The following NEXN variants were observed in gnomAD, a reference collection of about 807,000 sequenced individuals.
The protein encoded by NEXN is nexilin F-actin binding protein, also known as nexilin.
In NEXN, 65 loss-of-function variants were observed where a neutral mutation model predicts 92.6. The observed-to-expected ratio is 0.70, with a 90% confidence interval of 0.57 to 0.86. The LOEUF (loss-of-function observed/expected upper bound fraction) is 0.86. Among genes scored for constraint, NEXN ranks in the 40% least tolerant of loss-of-function variants. NEXN has a pLI of 0.00. For missense variants in NEXN, 778 were observed against 771.1 expected (o/e 1.01, Z -0.11); for synonymous variants, 254 against 242.5 (o/e 1.05, Z -0.44).
intron 10 of NEXN, among the ~76,000 whole-genome samples, chr1:77,934,935 A>T (rs1479387004): frequency 1.3e-5 from 2 of 152,242 alleles, no homozygotes; most frequent in Non-Finnish European, 2.9e-5. Context: ...TAAAATCAAA[A>T]GTAGGAAAAA....
chr1:77,939,839 G>A (rs1356270608), intron 11 of NEXN, among the ~76,000 whole-genome samples: 1 of 152,136 alleles, frequency 6.6e-6, no homozygotes, highest in East Asian at 1.9e-4. Context: ...TTTGGGAGGC[G>A]GAGGCAGGCG....
chr1:77,911,654 C>T (rs991510579), intron 1 of NEXN, among the ~76,000 whole-genome samples: 4 of 151,938 alleles, frequency 2.6e-5, no homozygotes, highest in Non-Finnish European at 5.9e-5. Flanking sequence ...TATAAAACTA[C>T]CTTCAGGCTA....
At chr1:77,912,016 T>G (rs1331682857) in intron 1 of NEXN, among the ~76,000 whole-genome samples, 1 of 150,684 alleles carries the variant, frequency 6.6e-6, no homozygotes, top group Non-Finnish European at 1.5e-5. Flanking sequence ...GAGGCAGAGG[T>G]TGCAGTGAGC....
At chr1:77,897,364 T>C (rs1442924959) in intron 1 of NEXN, among the ~76,000 whole-genome samples, 2 of 152,178 alleles carry the variant, frequency 1.3e-5, no homozygotes, top group Admixed American at 1.3e-4. Flanking sequence ...TATACGCAAA[T>C]CAATAAATGT....
intron 1 of NEXN, among the ~76,000 whole-genome samples, chr1:77,895,169 C>A (rs1194857620): frequency 6.7e-6 from 1 of 150,144 alleles, no homozygotes; most frequent in Non-Finnish European, 1.5e-5. Context: ...CTCAGCCTCC[C>A]GAGTAGCTGG....
chr1:77,931,537 C>T (rs1048246968), intron 9 of NEXN: 2 of 151,394 alleles, frequency 1.3e-5, no homozygotes, highest in Admixed American at 6.6e-5. Context: ...GATTCACTAG[C>T]GGAAAAAATG....
chr1:77,902,734 A>G (rs376478390), intron 1 of NEXN, among the ~76,000 whole-genome samples: 4 of 152,204 alleles, frequency 2.6e-5, no homozygotes, highest in African/African-American at 9.6e-5. Context: ...AAGATAGATT[A>G]GACTGATATG....
chr1:77,933,241 T>G, intron 9 of NEXN, 41 bp from the exon 10 acceptor site: 2 of 1,191,196 alleles, frequency 1.7e-6, no homozygotes, highest in Non-Finnish European at 2.5e-6. Flanking sequence ...TTTTAGTATG[T>G]GTAATTCTGG....
intron 11 of NEXN, among the ~76,000 whole-genome samples, chr1:77,941,458 A>C (rs959806794): frequency 6.6e-6 from 1 of 152,052 alleles, no homozygotes; most frequent in Admixed American, 6.6e-5. Context: ...AACATATTTT[A>C]CTTAGTGATT....
chr1:77,897,427 G>A (rs964692687), intron 1 of NEXN, among the ~76,000 whole-genome samples: 1 of 152,226 alleles, frequency 6.6e-6, no homozygotes, highest in African/African-American at 2.4e-5. Flanking sequence ...TATTTCAATA[G>A]ATGCAGAAAA....
chr1:77,898,817 A>G (rs1445186162), intron 1 of NEXN, among the ~76,000 whole-genome samples: 1 of 152,220 alleles, frequency 6.6e-6, no homozygotes, highest in African/African-American at 2.4e-5. Context: ...ATTTACAAGA[A>G]AAAAACAACC....
chr1:77,907,131 T>G (rs1648177040), intron 1 of NEXN, among the ~76,000 whole-genome samples: 1 of 152,208 alleles, frequency 6.6e-6, no homozygotes, highest in Admixed American at 6.5e-5. Context: ...AAAGGATGTA[T>G]TAGTGAAATA....
intron 11 of NEXN, among the ~76,000 whole-genome samples, chr1:77,938,373 G>T (rs574070389): frequency 6.6e-6 from 1 of 152,184 alleles, no homozygotes; most frequent in South Asian, 2.1e-4. Flanking sequence ...GTCTACAGCC[G>T]GGTGCGGTGG....
Position 77,943,682 on chromosome 1 carries a change from A to T in NEXN, c.*853A>T, listed in dbSNP as rs1163232383. 1 of 152,088 alleles carries T rather than the reference A, an allele frequency of 6.6e-6. No homozygotes were observed. The highest frequency in any genetic ancestry group is 6.6e-5 in the Admixed American group (1 of 15,266). 9.4% of individuals were successfully genotyped at this position (152,088 alleles called of 1,614,324 possible). A position where few individuals can be genotyped will look rare whatever the true frequency, so the allele number is the denominator to read the frequency against. On this transcript the variant is annotated 3_prime_UTR_variant, in exon 13 of 13. Coordinates refer to ENST00000334785, the MANE Select transcript of NEXN (RefSeq NM_144573.4). ...TTTCTATTAATAGTTCACGCAAGAGAAAACACTTTCAACATAGTCGAAGGC... is the reference window on the plus strand; with the variant it reads ...TTTCTATTAATAGTTCACGCAAGAGTAAACACTTTCAACATAGTCGAAGGC...
chr1:77,891,682 C>T (rs1647107685), intron 1 of NEXN, among the ~76,000 whole-genome samples: 1 of 144,788 alleles, frequency 6.9e-6, no homozygotes, highest in Admixed American at 7.3e-5. Context: ...AAGGCTATGG[C>T]AGTCAAAAAG....
chr1:77,942,472 G>C lies in NEXN; in HGVS notation c.1671G>C (p.Glu557Asp). Residue 557 changes from glutamate to aspartate, a missense_variant, in exon 13 of 13, where the codon GAG becomes GAC. Glu to Asp is a conservative substitution (Grantham distance 45). Transcript: ENST00000334785. ...TTATTTTAATACAGAAAAGAGAAGA[G>C]GAGGAGGAGGAAGAAGGTAGCATCA... ...IDAALQKKRE[E>D]EEEEEGSIMN... 6.2e-7 allele frequency: 1 copy of C among 1,611,054 alleles called. No individual in the cohort carries two copies. Among genetic ancestry groups the C allele is most frequent in the African/African-American group, 1.3e-5 (1 of 74,592 alleles).
intron 2 of NEXN, 134 bp from the exon 3 acceptor site, chr1:77,917,432 A>G (rs1048175038): frequency 1.4e-5 from 10 of 697,490 alleles, no homozygotes; most frequent in Admixed American, 7.8e-5. Flanking sequence ...GTGATGGTCA[A>G]ATAAAGGGTT....
intron 9 of NEXN, among the ~76,000 whole-genome samples, chr1:77,930,493 AT>A (rs2102136915): frequency 6.6e-6 from 1 of 152,312 alleles, no homozygotes; most frequent in South Asian, 2.1e-4. Flanking sequence ...GCCAGGAGTG[AT>A]CTTTAAAAAG....
intron 9 of NEXN, among the ~76,000 whole-genome samples, chr1:77,932,759 G>A (rs1650408804): frequency 6.6e-6 from 1 of 152,074 alleles, no homozygotes; most frequent in African/African-American, 2.4e-5. Context: ...AAAATACCTC[G>A]GTCTTACATT....
Sources: gnomAD v4.1 joint callset for allele counts (sites outside exome capture counted in the v4.1 genomes callset) on GRCh38, gnomAD v4.1.1 for gene constraint, MANE v1.5 for transcripts, NCBI Gene and HGNC (gene_info 2026-07-23, HGNC 2026-07-21) for gene names.